Variants in ZNF732 observed in about 807,000 individuals in gnomAD.
ZNF732 encodes the protein zinc finger protein LOC654254.
ZNF732 carries 12 observed loss-of-function variants against 11.5 expected under a neutral mutation model. The observed-to-expected ratio is 1.05, with a 90% CI of 0.67 to 1.70. ZNF732 has a LOEUF of 1.70. ZNF732 is among the 40% of genes most tolerant of loss of function. The pLI is 0.00. For synonymous variants in ZNF732, 231 were observed against 236.5 expected (o/e 0.98, Z 0.21); for missense variants, 702 against 676.9 (o/e 1.04, Z -0.41).
chr4:295,521 G>A lies in ZNF732; in HGVS notation c.143C>T (p.Ser48Phe). Reference protein sequence around the residue: ...RNLISLGVAISNPDLVIYLEQ... With the variant: ...RNLISLGVAIFNPDLVIYLEQ... ...CAGATAGATGACCAGGTCTGGGTTA[G>A]AGATAGCAACACCTGTTTATTTTAA... The change falls in exon 3 of 4, where the codon TCT becomes TTT. Residue 48 changes from serine (S) to phenylalanine (F), a missense_variant. Around this residue, in one of 3 missense-constraint regions of ZNF732, gnomAD observed 596 missense variants for 557.9 expected, o/e 1.07. Transcript: ENST00000419098. 1 of 1,612,340 alleles carries A rather than the reference G, an allele frequency of 6.2e-7. No homozygotes were observed. The highest frequency in any genetic ancestry group is 8.5e-7 in the Non-Finnish European group (1 of 1,179,126).
Position 272,054 on chromosome 4 carries a change from T to G in ZNF732, c.803A>C (p.His268Pro). The G allele has an allele frequency of 6.2e-7, 1 of 1,611,544 alleles. No individual in the cohort carries two copies. ...AFNRSSTLTKHKRIHAEEKPF... is the reference protein window; with the variant it reads ...AFNRSSTLTKPKRIHAEEKPF... Reference sequence around the variant, plus strand: ...TTTCTCTTCAGCATGAATTCTCTTATGCTTAGTAAGGGTTGAGGACCTATT... The same window carrying G: ...TTTCTCTTCAGCATGAATTCTCTTAGGCTTAGTAAGGGTTGAGGACCTATT... Residue 268 changes from histidine (H) to proline (P), a missense_variant, in exon 4 of 4, where the codon CAT becomes CCT. By Grantham distance (77) the His-to-Pro change is moderately conservative. This residue lies in a region of ZNF732 where 596 missense variants were observed against 557.9 expected (regional missense o/e 1.07). Transcript: ENST00000419098.
At chr4:286,151 A>ATTAATAATT (rs1553840572) in intron 3 of ZNF732, among the ~76,000 whole-genome samples, 4 of 152,254 alleles carry the variant, frequency 2.6e-5, no homozygotes, top group African/African-American at 9.6e-5. Context: ...TAATATAACA[A>ATTAATAATT]GCAATCCTGA....
chr4:274,804 CAATAAT>C (rs1218133329), intron 3 of ZNF732, among the ~76,000 whole-genome samples: 94 of 151,436 alleles, frequency 6.2e-4, no homozygotes, highest in Non-Finnish European at 1.1e-3. Context: ...GGACATTAAA[CAATAAT>C]AATAATAAAG....
In ZNF732 at chr4:295,892, G is replaced by C. The variant is rs1180648103; in HGVS notation, c.130+137C>G. ...CATCTTAATATTCTTTTTTACACCA[G>C]CAAACTCCCAACAGTTTCTTGAAGA... On this transcript the variant is annotated intron_variant, in intron 2 of 3. Coordinates refer to ENST00000419098, the MANE Select transcript of ZNF732 (RefSeq NM_001137608.3). 12 of 1,117,194 alleles carry C rather than the reference G, an allele frequency of 1.1e-5. No homozygotes were observed. In the East Asian group the frequency reaches 3.2e-4, roughly 30 times the overall value. 69.2% of individuals were successfully genotyped at this position (1,117,194 alleles called of 1,614,324 possible).
Position 297,625 on chromosome 4 carries a change from A to C in ZNF732, c.4-1470T>G, listed in dbSNP as rs893281759. 5.1e-4 allele frequency among the ~76,000 whole-genome samples: 77 copies of C among 151,762 alleles called. 1 individual carries two copies. In the East Asian group the frequency reaches 7.1e-3, roughly 14 times the overall value. On this transcript the variant is annotated intron_variant, in intron 1 of 3. Coordinates refer to ENST00000419098, the MANE Select transcript of ZNF732 (RefSeq NM_001137608.3). ...AGATTTGTAAAAAAAAAAAAAAAAA[A>C]AAAAAAACTGCAGGGATGGAGAACA...
At position 295,442 on chromosome 4, in the gene ZNF732, G is replaced by T; in HGVS notation, c.222C>A (p.His74Gln). Residue 74 changes from histidine (H) to glutamine (Q), a missense_variant, in exon 3 of 4, where the codon CAC becomes CAA. This residue lies in a region of ZNF732 where 596 missense variants were observed against 557.9 expected (regional missense o/e 1.07). Transcript: ENST00000419098. ...KVKIHETVAK[H>Q]PAVCSHFTQD... ...CCTTCATTCACTGTCACCTACCTGG[G>T]TGTTTGGCTACTGTCTCATGTATCT... 6.2e-7 allele frequency: 1 copy of T among 1,603,788 alleles called. No individual in the cohort carries two copies. Among genetic ancestry groups the T allele is most frequent in the South Asian group, 1.1e-5 (1 of 89,314 alleles).
At chr4:298,705 C>T (rs182314179) in intron 1 of ZNF732, among the ~76,000 whole-genome samples, 94 of 152,210 alleles carry the variant, frequency 6.2e-4, no homozygotes, top group Middle Eastern at 6.8e-3. Flanking sequence ...ATGAAACAGC[C>T]CTGGTGAAGC....
chr4:272,816 T>C (rs1195753994), intron 3 of ZNF732, among the ~76,000 whole-genome samples, 186 bp from the exon 4 acceptor site: 2 of 152,060 alleles, frequency 1.3e-5, no homozygotes, highest in Non-Finnish European at 2.9e-5. Flanking sequence ...TTTAGTGAAA[T>C]TTATAAATGA....
At chr4:299,401 G>A (rs1249828646) in intron 1 of ZNF732, among the ~76,000 whole-genome samples, 3 of 39,252 alleles carry the variant, frequency 7.6e-5, no homozygotes, top group Admixed American at 4.0e-4. Flanking sequence ...GTACACATAT[G>A]TGTATATATA....
At chr4:277,713 A>C (rs897085493) in intron 3 of ZNF732, among the ~76,000 whole-genome samples, 2 of 152,094 alleles carry the variant, frequency 1.3e-5, no homozygotes, top group South Asian at 4.1e-4. Flanking sequence ...ATATTTAAAC[A>C]ATCAACAAAT....
At chr4:304,122 A>G (rs1720176164) in intron 1 of ZNF732, among the ~76,000 whole-genome samples, 2 of 152,088 alleles carry the variant, frequency 1.3e-5, no homozygotes, top group Non-Finnish European at 2.9e-5. Flanking sequence ...TTGGCAGAAT[A>G]CCCTAGGAGC....
At chr4:304,473 A>G (rs1720184310) in intron 1 of ZNF732, among the ~76,000 whole-genome samples, 1 of 152,026 alleles carries the variant, frequency 6.6e-6, no homozygotes. Context: ...ACATCAGTCA[A>G]TGCTCCAACC....
At chr4:298,399 C>A (rs1304719611) in intron 1 of ZNF732, among the ~76,000 whole-genome samples, 1 of 150,850 alleles carries the variant, frequency 6.6e-6, no homozygotes, top group African/African-American at 2.4e-5. Flanking sequence ...GTTTGAGTCT[C>A]CGGATCTCAC....
chr4:289,008 A>G (rs2108657220), intron 3 of ZNF732, among the ~76,000 whole-genome samples: 1 of 152,358 alleles, frequency 6.6e-6, no homozygotes, highest in East Asian at 1.9e-4. Flanking sequence ...TCGCTCATGG[A>G]TCTGCAGGCT....
In ZNF732 at chr4:270,961, A is replaced by T. The variant is rs1687693088; in HGVS notation, c.*138T>A. The T allele has an allele frequency of 2.0e-5, 17 of 834,022 alleles. No homozygotes were observed. In the South Asian group the frequency reaches 2.2e-4, roughly 11 times the overall value. The allele number at this position is 834,022 out of a possible 1,614,324, so 51.7% of individuals were successfully genotyped here. ...GGGTTTTTCTCCAGTATGAATTCTTACTTTCATTCAGGGTTGTGGACCATC... is the reference window on the plus strand; with the variant it reads ...GGGTTTTTCTCCAGTATGAATTCTTTCTTTCATTCAGGGTTGTGGACCATC... On this transcript the variant is annotated 3_prime_UTR_variant, in exon 4 of 4. Coordinates refer to ENST00000419098, the MANE Select transcript of ZNF732 (RefSeq NM_001137608.3).
chr4:295,389 G>C, intron 3 of ZNF732, 49 bp downstream of exon 3: 4 of 1,467,824 alleles, frequency 2.7e-6, no homozygotes, highest in Non-Finnish European at 3.7e-6. Context: ...CTTCCTTCTG[G>C]ACCTTGGTCC....
chr4:290,114 C>T (rs1039723939), intron 3 of ZNF732, among the ~76,000 whole-genome samples: 10 of 152,256 alleles, frequency 6.6e-5, no homozygotes, highest in Admixed American at 2.6e-4. Flanking sequence ...GTGTAAGATT[C>T]CACTTATATA....
chr4:299,390 T>TAC (rs1491377574), intron 1 of ZNF732, among the ~76,000 whole-genome samples: 3 of 75,690 alleles, frequency 4.0e-5, no homozygotes, highest in African/African-American at 1.1e-4. Context: ...TATACACATA[T>TAC]GTACACATAT....
intron 1 of ZNF732, 25 bp downstream of exon 1, chr4:305,283 T>C: frequency 3.7e-6 from 6 of 1,605,026 alleles, no homozygotes; most frequent in Non-Finnish European, 4.2e-6. Context: ...TCCCCAGCCT[T>C]GGGACGCCCT....
Sources: allele counts gnomAD v4.1 joint callset (sites outside exome capture counted in the v4.1 genomes callset), GRCh38; gene constraint gnomAD v4.1.1; regional missense constraint gnomAD v4.1.1; transcripts MANE v1.5; gene names NCBI Gene and HGNC (gene_info 2026-07-23, HGNC 2026-07-21).